Variants in CSMD1 observed in about 807,000 individuals in gnomAD.
CSMD1 encodes CUB and sushi domain-containing protein 1.
A neutral mutation model predicts 417.5 loss-of-function variants in CSMD1; 213 were observed. The ratio of observed to expected loss-of-function variants is 0.51; its 90% CI spans 0.46 to 0.57. The LOEUF (loss-of-function observed/expected upper bound fraction) is 0.57. CSMD1 is among the 20% of genes least tolerant of loss of function. CSMD1 has a pLI of 0.00. For missense variants in CSMD1, 6,923 were observed against 4,529.7 expected (o/e 1.53, Z -15.17); for synonymous variants, 2,862 against 1,736.8 (o/e 1.65, Z -16.11).
intron 5 of CSMD1, among the ~76,000 whole-genome samples, chr8:3,775,050 G>A (rs987405737): frequency 1.2e-4 from 19 of 152,206 alleles, no homozygotes; most frequent in Admixed American, 4.6e-4. Context: ...ACTCAGAATA[G>A]CATACAATTT....
intron 2 of CSMD1, among the ~76,000 whole-genome samples, chr8:4,556,437 T>C (rs1798090774): frequency 6.6e-6 from 1 of 152,106 alleles, no homozygotes; most frequent in East Asian, 1.9e-4. Flanking sequence ...ACAGAGGACA[T>C]ATCGCATCCA....
intron 23 of CSMD1, among the ~76,000 whole-genome samples, chr8:3,330,406 T>C (rs1371910392): frequency 6.6e-6 from 1 of 152,174 alleles, no homozygotes; most frequent in East Asian, 1.9e-4. Flanking sequence ...CATGGAATAC[T>C]ACACAGCCAT....
At chr8:4,748,109 T>C (rs1211527403) in intron 1 of CSMD1, among the ~76,000 whole-genome samples, 1 of 152,134 alleles carries the variant, frequency 6.6e-6, no homozygotes. Flanking sequence ...AATCCTTCCT[T>C]AGAAGAACAA....
intron 4 of CSMD1, among the ~76,000 whole-genome samples, chr8:4,002,744 T>C (rs1815788312): frequency 2.6e-5 from 4 of 152,130 alleles, no homozygotes; most frequent in African/African-American, 9.7e-5. Context: ...AAATGATGAG[T>C]GAAGAGACAT....
intron 1 of CSMD1, among the ~76,000 whole-genome samples, chr8:4,800,647 G>T (rs920873006): frequency 2.6e-5 from 4 of 152,164 alleles, no homozygotes; most frequent in African/African-American, 7.2e-5. Flanking sequence ...AATCCCCCAG[G>T]GGGCTGTGGA....
At chr8:4,465,723 T>G (rs1218042943) in intron 2 of CSMD1, among the ~76,000 whole-genome samples, 3 of 152,204 alleles carry the variant, frequency 2.0e-5, no homozygotes, top group Non-Finnish European at 4.4e-5. Context: ...GAAAGGATGC[T>G]GGTGTTTGGA....
chr8:4,743,493 A>C (rs1810755406), intron 1 of CSMD1, among the ~76,000 whole-genome samples: 1 of 152,166 alleles, frequency 6.6e-6, no homozygotes. Context: ...CGGAGCGTCA[A>C]GTACCATGAA....
intron 1 of CSMD1, among the ~76,000 whole-genome samples, chr8:4,873,328 G>C (rs1802845459): frequency 6.6e-6 from 1 of 152,122 alleles, no homozygotes; most frequent in Non-Finnish European, 1.5e-5. Context: ...ATTCCAAACA[G>C]TGAGATATGT....
intron 3 of CSMD1, among the ~76,000 whole-genome samples, chr8:4,163,401 G>A (rs1797278586): frequency 6.6e-6 from 1 of 152,096 alleles, no homozygotes; most frequent in Non-Finnish European, 1.5e-5. Flanking sequence ...AATCTACATT[G>A]TTGGTGTTAT....
intron 3 of CSMD1, among the ~76,000 whole-genome samples, chr8:4,148,583 C>G (rs1796402439): frequency 6.6e-6 from 1 of 152,024 alleles, no homozygotes; most frequent in Non-Finnish European, 1.5e-5. Flanking sequence ...TCTAGGAGAC[C>G]AGCTGTCTGG....
intron 10 of CSMD1, among the ~76,000 whole-genome samples, chr8:3,511,831 A>G (rs1269497990): frequency 6.6e-6 from 1 of 151,794 alleles, no homozygotes; most frequent in Non-Finnish European, 1.5e-5. Flanking sequence ...ACAATAAATA[A>G]AATAAAATAA....
chr8:2,947,341 T>A (rs1802316992), intron 68 of CSMD1, among the ~76,000 whole-genome samples: 1 of 152,222 alleles, frequency 6.6e-6, no homozygotes, highest in Non-Finnish European at 1.5e-5. Flanking sequence ...AGGAGGTTAT[T>A]TTTATCCATA....
At chr8:4,670,429 C>T (rs563525489) in intron 1 of CSMD1, among the ~76,000 whole-genome samples, 1 of 152,204 alleles carries the variant, frequency 6.6e-6, no homozygotes, top group East Asian at 1.9e-4. Context: ...TTTGGATAGT[C>T]AAGGAGCAAA....
At chr8:4,494,835 T>C (rs527439282) in intron 2 of CSMD1, among the ~76,000 whole-genome samples, 9 of 151,950 alleles carry the variant, frequency 5.9e-5, no homozygotes, top group Admixed American at 1.3e-4. Flanking sequence ...ACTTAGAAAA[T>C]AGAGTCAGGG....
At chr8:4,749,509 G>T (rs1811170756) in intron 1 of CSMD1, among the ~76,000 whole-genome samples, 1 of 152,180 alleles carries the variant, frequency 6.6e-6, no homozygotes, top group South Asian at 2.1e-4. Context: ...CTTGTGGTTA[G>T]CACGTGTATT....
intron 26 of CSMD1, among the ~76,000 whole-genome samples, chr8:3,260,593 A>C (rs147815861): frequency 1.3e-5 from 2 of 151,698 alleles, no homozygotes; most frequent in Admixed American, 6.6e-5. Flanking sequence ...ACCCCCCTCG[A>C]AGAGCAGAGG....
At chr8:4,421,897 T>C (rs988903847) in intron 2 of CSMD1, among the ~76,000 whole-genome samples, 4 of 151,580 alleles carry the variant, frequency 2.6e-5, no homozygotes, top group East Asian at 3.9e-4. Flanking sequence ...GAAAATAAAA[T>C]TGAAAAAGAC....
chr8:3,517,187 T>C (rs1003738819), intron 10 of CSMD1, among the ~76,000 whole-genome samples: 6 of 152,156 alleles, frequency 3.9e-5, no homozygotes, highest in Admixed American at 2.0e-4. Context: ...CACCAGATGT[T>C]TGACTCTCTT....
chr8:4,134,204 T>C (rs1442050910), intron 3 of CSMD1, among the ~76,000 whole-genome samples: 1 of 152,194 alleles, frequency 6.6e-6, no homozygotes, highest in Non-Finnish European at 1.5e-5. Flanking sequence ...AAAGTCACTG[T>C]CCTTACACGC....
Sources: allele counts gnomAD v4.1 joint callset (sites outside exome capture counted in the v4.1 genomes callset), GRCh38; gene constraint gnomAD v4.1.1; transcripts MANE v1.5; gene names NCBI Gene and HGNC (gene_info 2026-07-23, HGNC 2026-07-21).